The following CRYBA2 variants were observed in gnomAD, a reference collection of about 807,000 sequenced individuals.
The protein encoded by CRYBA2 is crystallin beta A2.
CRYBA2 carries 17 observed loss-of-function variants against 18.5 expected under a neutral mutation model. That is an observed-to-expected ratio of 0.92 (90% CI 0.63 to 1.38). The LOEUF (loss-of-function observed/expected upper bound fraction) is 1.38, where lower values mean the gene tolerates loss of function less well. Among genes scored for constraint, CRYBA2 ranks in the 40% most tolerant of loss-of-function variants. The pLI is 0.00. For missense variants in CRYBA2, 271 were observed against 265.0 expected, an observed-to-expected ratio of 1.02 and a Z score of -0.16; for synonymous variants, 101 against 106.2, an observed-to-expected ratio of 0.95 and a Z score of 0.30.
At chr2:218,991,946 G>T in intron 2 of CRYBA2, 156 bp downstream of exon 2, 1 of 676,890 alleles carries the variant, frequency 1.5e-6, no homozygotes, top group Non-Finnish European at 2.4e-6. Flanking sequence ...CTTTCTTGGA[G>T]ACACCCTTCT....
chr2:218,992,372 A>T, intron 1 of CRYBA2, 129 bp from the exon 2 acceptor site: 1 of 940,520 alleles, frequency 1.1e-6, no homozygotes, highest in Non-Finnish European at 1.6e-6. Flanking sequence ...TTCCCCTGAC[A>T]CCCCCATTGT....
intron 2 of CRYBA2, 151 bp downstream of exon 2, chr2:218,991,951 C>T: frequency 1.5e-6 from 1 of 688,474 alleles, no homozygotes; most frequent in Non-Finnish European, 2.3e-6. Context: ...TTGGAGACAC[C>T]CTTCTGATTC....
rs1479137928 is a variant in CRYBA2, at chr2:218,992,184, T to C, written c.221A>G (p.Asp74Gly). Residue 74 changes from aspartate to glycine, a missense_variant, in exon 2 of 4, where the codon GAC becomes GGC. Physicochemically the swap from Asp to Gly is moderately conservative, Grantham distance 94. Transcript: ENST00000295728. ...QGQQFILEKG[D>G]YPRWSAWSGS... is the part of the protein sequence containing the mutation. ...ACTCCAGGCGCTCCAGCGAGGATAG[T>C]CTCCCTTCTCCAGAATGAACTGCTG... 1.2e-6 allele frequency: 2 copies of C among 1,613,490 alleles called. No homozygotes were observed. The highest frequency in any genetic ancestry group is 2.7e-5 in the African/African-American group (2 of 74,904).
chr2:218,991,195 C>T lies in CRYBA2; in HGVS notation c.304-201G>A, dbSNP rs184403041. The T allele has an allele frequency of 4.3e-5, 28 of 646,292 alleles. 1 individual carries two copies. The African/African-American group carries it at 5.0e-4, about 11-fold the overall frequency. 40.0% of individuals were successfully genotyped at this position (646,292 alleles called of 1,614,324 possible). A position where few individuals can be genotyped will look rare whatever the true frequency, so the allele number is the denominator to read the frequency against. On this transcript the variant is annotated intron_variant, in intron 2 of 3. Coordinates refer to ENST00000295728, the MANE Select transcript of CRYBA2 (RefSeq NM_057093.2). ...CTCAGAGGTTCCCCCGAACCTGGCC[C>T]CTCCCATGACTTTGAGATAAGGAGG...
chr2:218,991,845 T>G, intron 2 of CRYBA2: 1 of 472,570 alleles, frequency 2.1e-6, no homozygotes, highest in Non-Finnish European at 3.7e-6. Flanking sequence ...CGATGGAATG[T>G]GGGGGAACCC....
chr2:218,992,288 C>A, intron 1 of CRYBA2, 45 bp from the exon 2 acceptor site: 2 of 1,592,144 alleles, frequency 1.3e-6, no homozygotes, highest in Non-Finnish European at 1.7e-6. Flanking sequence ...CAGCCGCACC[C>A]TCTCTGCCCT....
Position 218,993,409 on chromosome 2 carries a change from C to T in CRYBA2, c.-233G>A. The T allele has an allele frequency of 1.9e-6, 1 of 534,894 alleles. No homozygotes were observed. The highest frequency in any genetic ancestry group is 3.3e-6 in the Non-Finnish European group (1 of 307,200). The allele number at this position is 534,894 out of a possible 1,614,324, so 33.1% of individuals were successfully genotyped here. A position where few individuals can be genotyped will look rare whatever the true frequency, so the allele number is the denominator to read the frequency against. On this transcript the variant is annotated 5_prime_UTR_variant, in exon 1 of 4. Coordinates refer to ENST00000295728, the MANE Select transcript of CRYBA2 (RefSeq NM_057093.2). The surrounding 1 kb of genome is among the most constrained non-coding windows in gnomAD (Gnocchi z 7.7). ...GAGCGCGGCACGCGAGGGAAATGGACCGGCTGCGAGGCTGCGCGCGGCCGG... is the reference window on the plus strand; with the variant it reads ...GAGCGCGGCACGCGAGGGAAATGGATCGGCTGCGAGGCTGCGCGCGGCCGG...
chr2:218,993,082 T>C lies in CRYBA2; in HGVS notation c.95A>G (p.Asp32Gly). 1 of 1,611,882 alleles carries C rather than the reference T, an allele frequency of 6.2e-7. No individual in the cohort carries two copies. Among genetic ancestry groups the C allele is most frequent in the Non-Finnish European group, 8.5e-7 (1 of 1,179,418 alleles). ...FQGRRCRLLSDCANVCERGGL... is the reference protein window; with the variant it reads ...FQGRRCRLLSGCANVCERGGL... ...TCCGCGCTCGCAGACGTTCGCACAGTCGCTTAGCAGCCGACAGCGACGGCC... is the reference window on the plus strand; with the variant it reads ...TCCGCGCTCGCAGACGTTCGCACAGCCGCTTAGCAGCCGACAGCGACGGCC... Residue 32 changes from aspartate (D) to glycine (G), a missense_variant, in exon 1 of 4, where the codon GAC (aspartate) becomes GGC (glycine). Coordinates refer to ENST00000295728, the MANE Select transcript of CRYBA2 (RefSeq NM_057093.2). The surrounding 1 kb of genome is among the most constrained non-coding windows in gnomAD (Gnocchi z 7.7).
chr2:218,992,267 G>A, intron 1 of CRYBA2, 24 bp from the exon 2 acceptor site: 1 of 1,609,818 alleles, frequency 6.2e-7, no homozygotes, highest in Non-Finnish European at 8.5e-7. Flanking sequence ...AGAGCTGGGA[G>A]GTATCTGCCC....
chr2:218,990,711 C>A, intron 3 of CRYBA2, 141 bp downstream of exon 3: 1 of 1,082,082 alleles, frequency 9.2e-7, no homozygotes, highest in Non-Finnish European at 1.3e-6. Flanking sequence ...TCCAGTCTGA[C>A]TCCATCATCT....
chr2:218,990,955 T>C lies in CRYBA2; in HGVS notation c.343A>G (p.Asn115Asp), dbSNP rs765112133. ...DSRVTLFEGD[N>D]FQGCKFDLVD... is the part of the protein sequence containing the mutation. ...AGGTCAAACTTGCAGCCTTGGAAGT[T>C]GTCCCCCTCAAACAGTGTCACACGG... is the stretch of plus-strand genomic sequence containing the variant. Residue 115 changes from asparagine (N) to aspartate (D), a missense_variant, in exon 3 of 4, where the codon AAC becomes GAC. By Grantham distance (23) the Asn-to-Asp change is conservative. Transcript: ENST00000295728. The C allele has an allele frequency of 1.8e-5, 29 of 1,614,036 alleles. No homozygotes were observed. In the East Asian group the frequency reaches 4.9e-4, roughly 27 times the overall value.
rs1379583308 is a variant in CRYBA2 at position 218,993,059 on chromosome 2, C to T, written c.118G>A (p.Gly40Arg). The T allele has an allele frequency of 2.5e-6, 4 of 1,610,440 alleles. No homozygotes were observed. Among genetic ancestry groups the T allele is most frequent in the Non-Finnish European group, 3.4e-6 (4 of 1,178,202 alleles). ...LSDCANVCERGGLPRVRSVKV... is the reference protein window; with the variant it reads ...LSDCANVCERRGLPRVRSVKV... ...ACCGAGCGCACCCTGGGCAGGCCTC[C>T]GCGCTCGCAGACGTTCGCACAGTCG... Residue 40 changes from glycine to arginine, a missense_variant, in exon 1 of 4, where the codon GGA becomes AGA. By Grantham distance (125) the Gly-to-Arg change is moderately radical (BLOSUM62 -2). Coordinates refer to ENST00000295728, the MANE Select transcript of CRYBA2 (RefSeq NM_057093.2). The surrounding 1 kb of genome is among the most constrained non-coding windows in gnomAD (Gnocchi z 7.7).
chr2:218,992,366 C>G, intron 1 of CRYBA2, 123 bp from the exon 2 acceptor site: 1 of 961,552 alleles, frequency 1.0e-6, no homozygotes, highest in East Asian at 2.8e-5. Flanking sequence ...AAACCCTTCC[C>G]CTGACACCCC....
intron 2 of CRYBA2, 33 bp from the exon 3 acceptor site, chr2:218,991,027 AG>A: frequency 6.2e-7 from 1 of 1,609,414 alleles, no homozygotes; most frequent in Non-Finnish European, 8.5e-7. Flanking sequence ...CAGAAAGATC[AG>A]GGCTTCCAAA....
In CRYBA2 at chr2:218,990,226, A is replaced by C. The variant is rs746944455; in HGVS notation, c.*26T>G. The C allele has an allele frequency of 2.9e-5, 47 of 1,613,464 alleles. No homozygotes were observed. Among genetic ancestry groups the C allele is most frequent in the Non-Finnish European group, 3.9e-5 (46 of 1,179,602 alleles). ...TCAGGAACCTTTATTGAGTGTCCTC[A>C]GGGAAGGTGTCTGGGGCCGTGGAGC... is the stretch of plus-strand genomic sequence containing the variant. On this transcript the variant is annotated 3_prime_UTR_variant, in exon 4 of 4. Coordinates refer to ENST00000295728, the MANE Select transcript of CRYBA2 (RefSeq NM_057093.2).
chr2:218,992,049 G>T, intron 2 of CRYBA2, 53 bp downstream of exon 2: 4 of 1,538,724 alleles, frequency 2.6e-6, no homozygotes, highest in Non-Finnish European at 3.5e-6. Flanking sequence ...GTGCCATGGT[G>T]AGGCCAGGGC....
At chr2:218,992,665 C>T (rs978875256) in intron 1 of CRYBA2, among the ~76,000 whole-genome samples, 3 of 152,102 alleles carry the variant, frequency 2.0e-5, no homozygotes, top group East Asian at 3.9e-4. Flanking sequence ...CAGGGTGGGG[C>T]CAGGGAAAGG....
chr2:218,993,284 C>T lies in CRYBA2; in HGVS notation c.-108G>A. On this transcript the variant is annotated 5_prime_UTR_variant, in exon 1 of 4. Transcript: ENST00000295728. The surrounding 1 kb of genome is among the most constrained non-coding windows in gnomAD (Gnocchi z 7.7). Reference sequence around the variant, plus strand: ...GGGTAGCGGATGAAGAACCCGGGGGCTGGACCCGGCCTAGCTCTGGACCCG... The same window carrying T: ...GGGTAGCGGATGAAGAACCCGGGGGTTGGACCCGGCCTAGCTCTGGACCCG... 8.5e-6 allele frequency: 10 copies of T among 1,171,744 alleles called. No individual in the cohort carries two copies. Among genetic ancestry groups the T allele is most frequent in the Non-Finnish European group, 1.2e-5 (10 of 846,626 alleles). 72.6% of individuals were successfully genotyped at this position (1,171,744 alleles called of 1,614,324 possible). A position where few individuals can be genotyped will look rare whatever the true frequency, so the allele number is the denominator to read the frequency against.
rs1397677212 is a variant in CRYBA2 at position 218,990,837 on chromosome 2, A to G, written c.446+15T>C. ...CCTGCTCTTCTGTCTCCCTGGTTCC[A>G]GTTCCAGGACTCACGCTCCGGAGCT... On this transcript the variant is annotated intron_variant, in intron 3 of 3. Transcript: ENST00000295728. The G allele has an allele frequency of 3.1e-6, 5 of 1,610,264 alleles. No homozygotes were observed. Among genetic ancestry groups the G allele is most frequent in the Non-Finnish European group, 4.2e-6 (5 of 1,177,222 alleles).
Sources: gnomAD v4.1 joint callset for allele counts (sites outside exome capture counted in the v4.1 genomes callset) on GRCh38, gnomAD v4.1.1 for gene constraint, Gnocchi (gnomAD v3.1) non-coding constraint, MANE v1.5 for transcripts, NCBI Gene and HGNC (gene_info 2026-07-23, HGNC 2026-07-21) for gene names.